AGBL4: variants seen among roughly 807,000 people sequenced by gnomAD.
AGBL4 encodes cytosolic carboxypeptidase 6.
A neutral mutation model predicts 66.4 loss-of-function variants in AGBL4; 58 were observed. The ratio of observed to expected loss-of-function variants is 0.87; its 90% CI spans 0.71 to 1.09. The LOEUF is 1.09. AGBL4 is among the 50% of genes least tolerant of loss of function. The pLI is 0.00. For missense variants in AGBL4, 579 were observed against 631.0 expected, an observed-to-expected ratio of 0.92 and a Z score of 0.88; for synonymous variants, 234 against 222.9, an observed-to-expected ratio of 1.05 and a Z score of -0.44.
chr1:49,809,755 T>A (rs1045420156), intron 2 of AGBL4, among the ~76,000 whole-genome samples: 1 of 152,190 alleles, frequency 6.6e-6, no homozygotes, highest in Non-Finnish European at 1.5e-5. Flanking sequence ...GAGAAATTTA[T>A]ATAAAGAAAG....
chr1:49,308,835 AG>A (rs774678774), intron 3 of AGBL4, among the ~76,000 whole-genome samples: 6 of 152,302 alleles, frequency 3.9e-5, no homozygotes, highest in Admixed American at 6.5e-5. Flanking sequence ...GAGAATAAAA[AG>A]GGTCATTAAC....
At chr1:48,875,492 G>A (rs866265544) in intron 5 of AGBL4, among the ~76,000 whole-genome samples, 1 of 152,150 alleles carries the variant, frequency 6.6e-6, no homozygotes, top group Non-Finnish European at 1.5e-5. Flanking sequence ...GAAGCAGAGT[G>A]GGGTAGCAAA....
intron 1 of AGBL4, among the ~76,000 whole-genome samples, chr1:49,914,360 CAA>C (rs1443440718): frequency 6.6e-6 from 1 of 152,186 alleles, no homozygotes; most frequent in Non-Finnish European, 1.5e-5. Flanking sequence ...TGAAACAATT[CAA>C]CCAAAGTCTT....
At chr1:48,570,334 G>A (rs970489974) in intron 11 of AGBL4, among the ~76,000 whole-genome samples, 1 of 152,220 alleles carries the variant, frequency 6.6e-6, no homozygotes, top group Non-Finnish European at 1.5e-5. Flanking sequence ...GGTCTGTCCC[G>A]CCACAGCTTC....
chr1:48,978,547 A>G (rs2148961767), intron 5 of AGBL4, among the ~76,000 whole-genome samples: 1 of 152,280 alleles, frequency 6.6e-6, no homozygotes, highest in South Asian at 2.1e-4. Flanking sequence ...CCAATGCTGC[A>G]GAGTCCCTCT....
intron 4 of AGBL4, among the ~76,000 whole-genome samples, chr1:49,179,992 C>T (rs553913357): frequency 6.6e-6 from 1 of 152,020 alleles, no homozygotes; most frequent in Non-Finnish European, 1.5e-5. Flanking sequence ...ACCTCTGCCT[C>T]CCGGGTTCAA....
At chr1:49,709,349 T>G (rs1647456218) in intron 2 of AGBL4, among the ~76,000 whole-genome samples, 1 of 152,198 alleles carries the variant, frequency 6.6e-6, no homozygotes, top group Non-Finnish European at 1.5e-5. Context: ...GAGGCTGTGT[T>G]TATACTGTGA....
intron 6 of AGBL4, among the ~76,000 whole-genome samples, chr1:48,676,613 T>C (rs1310438805): frequency 1.3e-5 from 2 of 152,208 alleles, no homozygotes; most frequent in Non-Finnish European, 2.9e-5. Context: ...GAACACCCAG[T>C]CAGGTGCTCT....
intron 3 of AGBL4, among the ~76,000 whole-genome samples, chr1:49,619,836 T>C (rs1245614711): frequency 6.6e-6 from 1 of 152,152 alleles, no homozygotes; most frequent in African/African-American, 2.4e-5. Context: ...AACCATCTGA[T>C]CTGCGACAAA....
intron 4 of AGBL4, among the ~76,000 whole-genome samples, chr1:49,116,995 G>A (rs1645538159): frequency 6.6e-6 from 1 of 151,614 alleles, no homozygotes; most frequent in Non-Finnish European, 1.5e-5. Context: ...TTTTTCATGT[G>A]TCTGTTGTCT....
At chr1:49,794,681 G>T (rs973543934) in intron 2 of AGBL4, among the ~76,000 whole-genome samples, 3 of 151,858 alleles carry the variant, frequency 2.0e-5, no homozygotes, top group Admixed American at 2.0e-4. Flanking sequence ...TAAAAGTTTT[G>T]ATGATAAAAG....
At chr1:48,773,364 A>C (rs1278084119) in intron 6 of AGBL4, among the ~76,000 whole-genome samples, 2 of 152,128 alleles carry the variant, frequency 1.3e-5, no homozygotes, top group African/African-American at 4.8e-5. Flanking sequence ...TTGGCAAATA[A>C]ATGAGAGTAA....
At chr1:49,305,303 C>A (rs984651921) in intron 3 of AGBL4, among the ~76,000 whole-genome samples, 1 of 152,122 alleles carries the variant, frequency 6.6e-6, no homozygotes, top group African/African-American at 2.4e-5. Flanking sequence ...AAACCAATTA[C>A]AGTCATCCCT....
chr1:49,919,841 C>T (rs1652009875), intron 1 of AGBL4, among the ~76,000 whole-genome samples: 1 of 152,192 alleles, frequency 6.6e-6, no homozygotes, highest in Non-Finnish European at 1.5e-5. Context: ...TCAAACTATA[C>T]TACAAGGCTA....
At chr1:49,458,935 T>G (rs1019506096) in intron 3 of AGBL4, among the ~76,000 whole-genome samples, 1 of 151,804 alleles carries the variant, frequency 6.6e-6, no homozygotes, top group Non-Finnish European at 1.5e-5. Context: ...GGATTATCTT[T>G]TTGTTTTGTT....
chr1:48,699,417 T>G (rs570970667), intron 6 of AGBL4, among the ~76,000 whole-genome samples: 1 of 152,370 alleles, frequency 6.6e-6, no homozygotes, highest in East Asian at 1.9e-4. Flanking sequence ...TGTCTTTCTC[T>G]GTACAAGATA....
intron 1 of AGBL4, among the ~76,000 whole-genome samples, chr1:49,936,421 TTACC>T (rs1238304914): frequency 1.3e-5 from 2 of 152,062 alleles, no homozygotes; most frequent in African/African-American, 2.4e-5. Context: ...CTGCAGGACA[TTACC>T]CAGGAGAACT....
intron 9 of AGBL4, among the ~76,000 whole-genome samples, chr1:48,618,812 T>A (rs1645361771): frequency 6.6e-6 from 1 of 152,176 alleles, no homozygotes; most frequent in Admixed American, 6.5e-5. Context: ...CGAACCAACG[T>A]TTCTTACAGT....
chr1:49,965,860 T>C (rs1388942093), intron 1 of AGBL4, among the ~76,000 whole-genome samples: 1 of 152,084 alleles, frequency 6.6e-6, no homozygotes, highest in Non-Finnish European at 1.5e-5. Context: ...TGAAGCCATA[T>C]GTGTTCATTC....
Sources: allele counts gnomAD v4.1 joint callset (sites outside exome capture counted in the v4.1 genomes callset), GRCh38; gene constraint gnomAD v4.1.1; transcripts MANE v1.5; gene names NCBI Gene and HGNC (gene_info 2026-07-23, HGNC 2026-07-21).